Variants in MEP1B observed in about 807,000 individuals in gnomAD.
The protein encoded by MEP1B is N-benzoyl-L-tyrosyl-P-amino-benzoic acid hydrolase subunit beta.
MEP1B carries 80 observed loss-of-function variants against 84.6 expected under a neutral mutation model. That is an observed-to-expected ratio of 0.95 (90% CI 0.79 to 1.14). The LOEUF is 1.14. Ranked by LOEUF, MEP1B falls within the 50% of genes most tolerant of loss-of-function variation. MEP1B has a pLI of 0.00. For synonymous variants in MEP1B, 273 were observed against 288.1 expected (o/e 0.95, Z 0.53); for missense variants, 766 against 855.1 (o/e 0.90, Z 1.30).
chr18:32,196,643 C>T lies in MEP1B; in HGVS notation c.250+1158C>T. On this transcript the variant is annotated intron_variant, in intron 5 of 14. Coordinates refer to ENST00000269202, the MANE Select transcript of MEP1B (RefSeq NM_005925.3). This position sits in a 1 kb window ranked among gnomAD's most constrained non-coding sequence, Gnocchi z 4.4. The stretch of plus-strand genomic sequence containing the variant: ...TGTGCAGCACCCGCCTGATGTTGTC[C>T]AGCACGCCACCTCGGGGTGTCTTCC... 1.4e-6 allele frequency: 1 copy of T among 697,190 alleles called. No homozygotes were observed. Among genetic ancestry groups the T allele is most frequent in the Non-Finnish European group, 2.6e-6 (1 of 380,070 alleles). 43.2% of individuals were successfully genotyped at this position (697,190 alleles called of 1,614,324 possible).
chr18:32,208,995 G>C (rs1335827801), intron 9 of MEP1B, among the ~76,000 whole-genome samples: 1 of 152,186 alleles, frequency 6.6e-6, no homozygotes, highest in Non-Finnish European at 1.5e-5. Flanking sequence ...AAAGTAGATA[G>C]GGAGGGAGGG....
chr18:32,191,559 C>T (rs1189320918), intron 1 of MEP1B, among the ~76,000 whole-genome samples: 1 of 151,964 alleles, frequency 6.6e-6, no homozygotes, highest in East Asian at 1.9e-4. Flanking sequence ...TTTTCCCCCC[C>T]AATTTTTGAA....
Position 32,204,299 on chromosome 18 carries a change from T to C in MEP1B, c.486T>C (p.His162=). 6.2e-7 allele frequency: 1 copy of C among 1,604,460 alleles called. No individual in the cohort carries two copies. The highest frequency in any genetic ancestry group is 8.5e-7 in the Non-Finnish European group (1 of 1,175,736). Residue 162 remains histidine (H), a synonymous_variant, in exon 7 of 15, where the codon CAT becomes CAC. Coordinates refer to ENST00000269202, the MANE Select transcript of MEP1B (RefSeq NM_005925.3). ...TCCTCCACGCTCTGGGATTCTGGCATGAGCAGTCGCGTTCTGACCGGGATG... is the reference window on the plus strand; with the variant it reads ...TCCTCCACGCTCTGGGATTCTGGCACGAGCAGTCGCGTTCTGACCGGGATG... ...HEFLHALGFW[H]EQSRSDRDDY...
At position 32,196,891 on chromosome 18, in the gene MEP1B, G is replaced by C; in HGVS notation, c.250+1406G>C. On this transcript the variant is annotated intron_variant, in intron 5 of 14. Coordinates refer to ENST00000269202, the MANE Select transcript of MEP1B (RefSeq NM_005925.3). The surrounding 1 kb of genome is among the most constrained non-coding windows in gnomAD (Gnocchi z 4.4). ...TAGTGGAGGCGGGCAAGGAGGCGCA[G>C]GCAGGCTCAGATCTCCACGTGCACT... The C allele has an allele frequency of 2.2e-6, 1 of 458,778 alleles. No homozygotes were observed. Among genetic ancestry groups the C allele is most frequent in the Non-Finnish European group, 4.1e-6 (1 of 243,744 alleles). The allele number at this position is 458,778 out of a possible 1,614,324, so 28.4% of individuals were successfully genotyped here. A position where few individuals can be genotyped will look rare whatever the true frequency, so the allele number is the denominator to read the frequency against.
intron 5 of MEP1B, among the ~76,000 whole-genome samples, chr18:32,199,954 T>G: frequency 6.6e-6 from 1 of 152,142 alleles, no homozygotes; most frequent in African/African-American, 2.4e-5. Flanking sequence ...ATTTCTTTTT[T>G]TAAAAAACTT....
Position 32,220,266 on chromosome 18 carries a change from C to T in MEP1B, c.*21C>T. 1 of 1,605,278 alleles carries T rather than the reference C, an allele frequency of 6.2e-7. No homozygotes were observed. The highest frequency in any genetic ancestry group is 1.7e-5 in the Admixed American group (1 of 59,246). The stretch of plus-strand genomic sequence containing the variant: ...TTTGAAGATTAACTCGACAATATGG[C>T]CAGCTAATGAAATTAAAAAGGATTC... On this transcript the variant is annotated 3_prime_UTR_variant, in exon 15 of 15. Coordinates refer to ENST00000269202, the MANE Select transcript of MEP1B (RefSeq NM_005925.3).
At chr18:32,213,991 G>A (rs2041057747) in intron 11 of MEP1B, among the ~76,000 whole-genome samples, 1 of 152,182 alleles carries the variant, frequency 6.6e-6, no homozygotes, top group Non-Finnish European at 1.5e-5. Context: ...AATTAGTACA[G>A]GTCAAGTGTG....
intron 9 of MEP1B, 49 bp from the exon 10 acceptor site, chr18:32,210,452 T>G (rs1350427067): frequency 1.0e-5 from 15 of 1,494,942 alleles, no homozygotes; most frequent in Non-Finnish European, 1.3e-5. Flanking sequence ...AAACACACAT[T>G]CCTATACCCA....
At chr18:32,204,852 C>T (rs1048936854) in intron 7 of MEP1B, among the ~76,000 whole-genome samples, 2 of 152,178 alleles carry the variant, frequency 1.3e-5, no homozygotes, top group African/African-American at 4.8e-5. Context: ...AGAGAAAAAA[C>T]AGGACCAAAT....
At chr18:32,214,959 C>T in intron 11 of MEP1B, 123 bp from the exon 12 acceptor site, 1 of 701,998 alleles carries the variant, frequency 1.4e-6, no homozygotes. Flanking sequence ...CATCACAGGT[C>T]AATAGCATCA....
intron 14 of MEP1B, among the ~76,000 whole-genome samples, chr18:32,219,925 A>T (rs2041133037): frequency 6.6e-6 from 1 of 152,194 alleles, no homozygotes; most frequent in South Asian, 2.1e-4. Context: ...TAGGCTAGGC[A>T]TTTCTACAGC....
In MEP1B at chr18:32,212,004, A is replaced by G. The variant is rs2041032999; in HGVS notation, c.1136-1112A>G. On this transcript the variant is annotated intron_variant, in intron 10 of 14. Coordinates refer to ENST00000269202, the MANE Select transcript of MEP1B (RefSeq NM_005925.3). ...CACACATTATACATATATATTATTT[A>G]TGTAACAATGTAAAATATATAAAGA... Among the ~76,000 whole-genome samples, 5 of 149,058 alleles carry G rather than the reference A, an allele frequency of 3.4e-5. No individual in the cohort carries two copies. In the South Asian group the frequency reaches 1.0e-3, roughly 31 times the overall value.
chr18:32,196,148 T>G lies in MEP1B; in HGVS notation c.250+663T>G. 1.7e-6 allele frequency: 1 copy of G among 582,310 alleles called. No homozygotes were observed. The highest frequency in any genetic ancestry group is 1.7e-5 in the South Asian group (1 of 57,254). 36.1% of individuals were successfully genotyped at this position (582,310 alleles called of 1,614,324 possible). A position where few individuals can be genotyped will look rare whatever the true frequency, so the allele number is the denominator to read the frequency against. ...TCCTTGGCCTCATCCCTGTTTCTGC[T>G]GGCCTTCTGGAGCTGGTGTCACTGC... On this transcript the variant is annotated intron_variant, in intron 5 of 14. Coordinates refer to ENST00000269202, the MANE Select transcript of MEP1B (RefSeq NM_005925.3). The surrounding 1 kb of genome is among the most constrained non-coding windows in gnomAD (Gnocchi z 4.4).
intron 5 of MEP1B, among the ~76,000 whole-genome samples, chr18:32,202,441 C>T (rs7226471): frequency 0.13 from 20,524 of 152,152 alleles, 2,315 homozygotes; most frequent in African/African-American, 0.31. Context: ...TAGATATGCA[C>T]ACACACACAT....
chr18:32,190,139 G>C lies in MEP1B; in HGVS notation c.63+6G>C. ...TTCTCGTGATTTCTGGCTTGGTAAG[G>C]AAACAGTATATAGAAGATAATTTAA... On this transcript the variant is annotated splice_donor_region_variant and intron_variant, in intron 1 of 14. Transcript: ENST00000269202. The C allele has an allele frequency of 6.2e-7, 1 of 1,610,202 alleles. No homozygotes were observed. The highest frequency in any genetic ancestry group is 8.5e-7 in the Non-Finnish European group (1 of 1,177,070).
intron 2 of MEP1B, 70 bp downstream of exon 2, chr18:32,191,910 ATAAT>A (rs1321499238): frequency 1.1e-6 from 1 of 883,240 alleles, no homozygotes; most frequent in Non-Finnish European, 1.8e-6. Context: ...AACATCATAC[ATAAT>A]TACATATGCA....
chr18:32,195,263 TACAC>T (rs3217505), intron 4 of MEP1B, 140 bp from the exon 5 acceptor site: 15,606 of 484,492 alleles, frequency 0.032, 63 homozygotes, highest in South Asian at 0.079. Context: ...AAAGTAGGGC[TACAC>T]ACACACACAC....
Position 32,196,558 on chromosome 18 carries a change from T to C in MEP1B, c.250+1073T>C, listed in dbSNP as rs551324492. 70 of 705,784 alleles carry C rather than the reference T, an allele frequency of 9.9e-5. 1 individual carries two copies. In the South Asian group the frequency reaches 1.0e-3, roughly 10 times the overall value. The allele number at this position is 705,784 out of a possible 1,614,324, so 43.7% of individuals were successfully genotyped here. A position where few individuals can be genotyped will look rare whatever the true frequency, so the allele number is the denominator to read the frequency against. On this transcript the variant is annotated intron_variant, in intron 5 of 14. Coordinates refer to ENST00000269202, the MANE Select transcript of MEP1B (RefSeq NM_005925.3). This position sits in a 1 kb window ranked among gnomAD's most constrained non-coding sequence, Gnocchi z 4.4. ...TTGAGAGCTTTGGGCCCTTGGTACTTGGTGCTGACGGCCAGCGCGTTGTCC... is the reference window on the plus strand; with the variant it reads ...TTGAGAGCTTTGGGCCCTTGGTACTCGGTGCTGACGGCCAGCGCGTTGTCC...
chr18:32,196,297 A>G lies in MEP1B; in HGVS notation c.250+812A>G, dbSNP rs1273236327. On this transcript the variant is annotated intron_variant, in intron 5 of 14. Coordinates refer to ENST00000269202, the MANE Select transcript of MEP1B (RefSeq NM_005925.3). The surrounding 1 kb of genome is among the most constrained non-coding windows in gnomAD (Gnocchi z 4.4). ...GGGGGCTGTGAAGTTGAGGGGCGGGATGTTGTTGCTGGAGCCGTTGCGGTA... is the reference window on the plus strand; with the variant it reads ...GGGGGCTGTGAAGTTGAGGGGCGGGGTGTTGTTGCTGGAGCCGTTGCGGTA... 5.7e-6 allele frequency: 4 copies of G among 705,904 alleles called. No individual in the cohort carries two copies. The highest frequency in any genetic ancestry group is 4.4e-5 in the South Asian group (3 of 67,622). The allele number at this position is 705,904 out of a possible 1,614,324, so 43.7% of individuals were successfully genotyped here. A position where few individuals can be genotyped will look rare whatever the true frequency, so the allele number is the denominator to read the frequency against.
Sources: gnomAD v4.1 joint callset for allele counts (sites outside exome capture counted in the v4.1 genomes callset) on GRCh38, gnomAD v4.1.1 for gene constraint, Gnocchi (gnomAD v3.1) non-coding constraint, MANE v1.5 for transcripts, NCBI Gene and HGNC (gene_info 2026-07-23, HGNC 2026-07-21) for gene names.